TFDP1: variants seen among roughly 807,000 people sequenced by gnomAD.
The protein encoded by TFDP1 is DRTF1-polypeptide 1.
In TFDP1, 6 loss-of-function variants were observed where a neutral mutation model predicts 48.0. The ratio of observed to expected loss-of-function variants is 0.13; its 90% CI spans 0.07 to 0.25. TFDP1 has a LOEUF of 0.25. Ranked by LOEUF, TFDP1 falls within the 10% of genes least tolerant of loss-of-function variation. TFDP1 has a pLI of 1.00. For missense variants in TFDP1, 335 were observed against 543.0 expected (o/e 0.62, Z 3.81); for synonymous variants, 201 against 211.6 (o/e 0.95, Z 0.44).
chr13:113,618,930 A>G (rs1368107976), intron 3 of TFDP1, among the ~76,000 whole-genome samples: 1 of 152,244 alleles, frequency 6.6e-6, no homozygotes, highest in Non-Finnish European at 1.5e-5. Flanking sequence ...ACAATCATTT[A>G]TAGCCTTAGG....
At chr13:113,610,925 G>T (rs1310714689) in intron 2 of TFDP1, 71 bp from the exon 3 acceptor site, 1 of 1,388,840 alleles carries the variant, frequency 7.2e-7, no homozygotes, top group South Asian at 1.2e-5. Context: ...CCTTGAGGGT[G>T]GTTTTAAACA....
rs568940674 is a variant in TFDP1 at position 113,591,643 on chromosome 13, C to T, written c.12+5794C>T. Reference sequence around the variant, plus strand: ...CATTAAAAAATACTTTGTTGTAGAACAATTAGAAAATCCAGATTTGCAGTT... The same window carrying T: ...CATTAAAAAATACTTTGTTGTAGAATAATTAGAAAATCCAGATTTGCAGTT... On this transcript the variant is annotated intron_variant, in intron 2 of 11. Coordinates refer to ENST00000375370, the MANE Select transcript of TFDP1 (RefSeq NM_007111.5). 2.3e-3 allele frequency among the ~76,000 whole-genome samples: 351 copies of T among 152,290 alleles called. 2 individuals are homozygous for T. Among genetic ancestry groups the T allele is most frequent in the Admixed American group, 3.7e-3 (56 of 15,304 alleles).
At chr13:113,619,377 A>AG (rs1195316904) in intron 3 of TFDP1, among the ~76,000 whole-genome samples, 1 of 150,250 alleles carries the variant, frequency 6.7e-6, no homozygotes. Context: ...AGGCTGAGGC[A>AG]GGGGAATCGC....
At chr13:113,614,732 G>A (rs796839463) in intron 3 of TFDP1, among the ~76,000 whole-genome samples, 26 of 152,302 alleles carry the variant, frequency 1.7e-4, no homozygotes, top group African/African-American at 4.8e-4. Flanking sequence ...CTGTGTCAGC[G>A]TTCTCTAAAG....
intron 4 of TFDP1, among the ~76,000 whole-genome samples, chr13:113,630,428 C>T (rs1293406514): frequency 1.3e-5 from 2 of 151,998 alleles, no homozygotes; most frequent in African/African-American, 2.4e-5. Context: ...GGAAAGTGTC[C>T]CCGTCAGCTG....
At chr13:113,596,038 C>T (rs1480443435) in intron 2 of TFDP1, among the ~76,000 whole-genome samples, 1 of 152,088 alleles carries the variant, frequency 6.6e-6, no homozygotes, top group Non-Finnish European at 1.5e-5. Context: ...GCCAAGATGG[C>T]GCCGCTGCAC....
chr13:113,614,751 A>C (rs557717654), intron 3 of TFDP1, among the ~76,000 whole-genome samples: 3 of 152,322 alleles, frequency 2.0e-5, no homozygotes, highest in Admixed American at 2.0e-4. Context: ...AGTAGCAGCC[A>C]GTGAGCGACG....
Position 113,638,555 on chromosome 13 carries a change from G to A in TFDP1, c.1085+659G>A, listed in dbSNP as rs4150819. Among the ~76,000 whole-genome samples, 961 of 152,294 alleles carry A rather than the reference G, an allele frequency of 6.3e-3. 33 individuals carry two copies. The East Asian group carries it at 0.11, about 17-fold the overall frequency. ...GAACGCGTCTGCAATCACAGCGCAC[G>A]TATTTTTCAGAACGCGTCTGTGGTC... On this transcript the variant is annotated intron_variant, in intron 11 of 11. Coordinates refer to ENST00000375370, the MANE Select transcript of TFDP1 (RefSeq NM_007111.5).
Position 113,633,352 on chromosome 13 carries a change from T to G in TFDP1, c.474+67T>G, listed in dbSNP as rs56322396. ...CCAGCGGTGTGGTACGTTTCGCTCT[T>G]TTAATATCGGGAACAGTTAAAACCA... is the stretch of plus-strand genomic sequence containing the variant. On this transcript the variant is annotated intron_variant, in intron 6 of 11. Transcript: ENST00000375370. This position sits in a 1 kb window ranked among gnomAD's most constrained non-coding sequence, Gnocchi z 4.5. 3 of 986,340 alleles carry G rather than the reference T, an allele frequency of 3.0e-6. No individual in the cohort carries two copies. 61.1% of individuals were successfully genotyped at this position (986,340 alleles called of 1,614,324 possible).
chr13:113,636,770 C>A, intron 10 of TFDP1, 70 bp downstream of exon 10: 1 of 1,533,146 alleles, frequency 6.5e-7, no homozygotes. Context: ...GGTGCCCTCC[C>A]CTCCCGGCTC....
intron 3 of TFDP1, among the ~76,000 whole-genome samples, chr13:113,612,894 C>T (rs780307933): frequency 1.2e-4 from 19 of 152,248 alleles, no homozygotes; most frequent in African/African-American, 2.7e-4. Flanking sequence ...CCGCGTGCCC[C>T]GGCCCCCAGA....
chr13:113,598,966 C>T lies in TFDP1; in HGVS notation c.13-12030C>T, dbSNP rs1050882537. ...TGAAAATGGAAAGTTTATTTAAAAA[C>T]GTAGGGTGCAGAAAGGTGTCAGAAA... On this transcript the variant is annotated intron_variant, in intron 2 of 11. Transcript: ENST00000375370. The surrounding 1 kb of genome is among the most constrained non-coding windows in gnomAD (Gnocchi z 4.2). Among the ~76,000 whole-genome samples the T allele has an allele frequency of 6.6e-5, 10 of 152,250 alleles. No individual in the cohort carries two copies. The highest frequency in any genetic ancestry group is 1.0e-4 in the Non-Finnish European group (7 of 68,022).
chr13:113,635,645 G>T (rs535030211), intron 8 of TFDP1, among the ~76,000 whole-genome samples: 1 of 152,218 alleles, frequency 6.6e-6, no homozygotes, highest in Non-Finnish European at 1.5e-5. Flanking sequence ...TGCCATGGTG[G>T]TAGGTGGTCT....
chr13:113,608,984 A>G (rs1007387261), intron 2 of TFDP1, among the ~76,000 whole-genome samples: 6 of 152,134 alleles, frequency 3.9e-5, no homozygotes, highest in Admixed American at 2.0e-4. Context: ...AGCGTCTCAC[A>G]CCTGTAACAC....
chr13:113,587,531 CT>C (rs924493084), intron 2 of TFDP1, among the ~76,000 whole-genome samples: 3 of 142,346 alleles, frequency 2.1e-5, no homozygotes, highest in African/African-American at 8.1e-5. Flanking sequence ...GTCTCCCAAG[CT>C]GGAGTGCAGT....
chr13:113,599,973 TC>T, intron 2 of TFDP1, among the ~76,000 whole-genome samples: 1 of 147,896 alleles, frequency 6.8e-6, no homozygotes, highest in East Asian at 2.0e-4. Flanking sequence ...CACGTAGGGC[TC>T]CAGGACCATG....
rs144629613 is a variant in TFDP1 at position 113,630,212 on chromosome 13, C to T, written c.187-1411C>T. Among the ~76,000 whole-genome samples the T allele has an allele frequency of 1.5e-4, 23 of 152,226 alleles. No homozygotes were observed. In the East Asian group the frequency reaches 3.9e-3, roughly 26 times the overall value. On this transcript the variant is annotated intron_variant, in intron 4 of 11. Coordinates refer to ENST00000375370, the MANE Select transcript of TFDP1 (RefSeq NM_007111.5). ...ATTGAACAAAACAAGTTTCACAGGACATTTATCCACGCCCAGGAGATTTAT... is the reference window on the plus strand; with the variant it reads ...ATTGAACAAAACAAGTTTCACAGGATATTTATCCACGCCCAGGAGATTTAT...
At position 113,598,704 on chromosome 13, in the gene TFDP1, A is replaced by AT. The variant is rs1175386549; in HGVS notation, c.13-12289dup. 1.3e-5 allele frequency among the ~76,000 whole-genome samples: 2 copies of AT among 152,064 alleles called. No individual in the cohort carries two copies. On this transcript the variant is annotated intron_variant, in intron 2 of 11. Transcript: ENST00000375370. The surrounding 1 kb of genome is among the most constrained non-coding windows in gnomAD (Gnocchi z 4.2). ...GAGTCTGCGTCCCCCTTTCCTGGTC[A>AT]TTTAAGTTGCGTGGGGCCGGGAGGA...
chr13:113,640,637 T>C lies in TFDP1; in HGVS notation c.*370T>C. The C allele has an allele frequency of 3.7e-6, 1 of 269,484 alleles. No homozygotes were observed. The highest frequency in any genetic ancestry group is 7.1e-6 in the Non-Finnish European group (1 of 141,662). The allele number at this position is 269,484 out of a possible 1,614,324, so 16.7% of individuals were successfully genotyped here. On this transcript the variant is annotated 3_prime_UTR_variant, in exon 12 of 12. Transcript: ENST00000375370. The stretch of plus-strand genomic sequence containing the variant: ...ATAAAACACCTCCTGTTGTGGATGG[T>C]GAGCCCCTGATGCCGCTTATTTGCC...
Sources: allele counts gnomAD v4.1 joint callset (sites outside exome capture counted in the v4.1 genomes callset), GRCh38; gene constraint gnomAD v4.1.1; non-coding constraint Gnocchi (gnomAD v3.1); transcripts MANE v1.5; gene names NCBI Gene and HGNC (gene_info 2026-07-23, HGNC 2026-07-21).